The following DCBLD1 variants were observed in gnomAD, a reference collection of about 807,000 sequenced individuals.
DCBLD1 encodes discoidin, CUB and LCCL domain-containing protein 1.
A neutral mutation model predicts 71.5 loss-of-function variants in DCBLD1; 57 were observed. The observed-to-expected ratio is 0.80, with a 90% confidence interval of 0.64 to 0.99. The LOEUF is 0.99. Ranked by LOEUF, DCBLD1 falls within the 50% of genes least tolerant of loss-of-function variation. The pLI is 0.00. For synonymous variants in DCBLD1, 380 were observed against 363.8 expected, an observed-to-expected ratio of 1.04 and a Z score of -0.51; for missense variants, 891 against 923.5, an observed-to-expected ratio of 0.96 and a Z score of 0.46.
intron 5 of DCBLD1, 99 bp from the exon 6 acceptor site, chr6:117,532,161 G>A (rs930098388): frequency 2.0e-6 from 3 of 1,489,776 alleles, no homozygotes; most frequent in Non-Finnish European, 2.7e-6. Flanking sequence ...ATTCATTGGG[G>A]CCACTACTAT....
At chr6:117,510,177 T>G (rs1777970212) in intron 2 of DCBLD1, among the ~76,000 whole-genome samples, 1 of 152,196 alleles carries the variant, frequency 6.6e-6, no homozygotes. Flanking sequence ...TCACTCTCAC[T>G]TCTAGCCTCA....
At chr6:117,564,601 A>AT in intron 14 of DCBLD1, among the ~76,000 whole-genome samples, 1 of 152,278 alleles carries the variant, frequency 6.6e-6, no homozygotes, top group Non-Finnish European at 1.5e-5. Context: ...CAATAGATAC[A>AT]TTTTTTTAAG....
Position 117,548,422 on chromosome 6 carries a change from A to G in DCBLD1, c.2131A>G (p.Met711Val), listed in dbSNP as rs986469945. Residue 711 changes from methionine to valine, a missense_variant, in exon 15 of 15, where the codon ATG (methionine) becomes GTG (valine). Met to Val is a conservative substitution (Grantham distance 21). Coordinates refer to ENST00000338728, the MANE Select transcript of DCBLD1 (RefSeq NM_001366458.2). ...CCTCACACCCCTCAACCAGACGGCC[A>G]TGACTGCCCTTTTGTGAACACAATG... ...DCLTPLNQTAMTALL is the reference protein window; with the variant it reads ...DCLTPLNQTAVTALL 33 of 1,550,548 alleles carry G rather than the reference A, an allele frequency of 2.1e-5. No homozygotes were observed. The highest frequency in any genetic ancestry group is 3.9e-5 in the Admixed American group (2 of 50,982).
At chr6:117,515,810 C>G (rs1481581715) in intron 2 of DCBLD1, among the ~76,000 whole-genome samples, 2 of 152,056 alleles carry the variant, frequency 1.3e-5, no homozygotes, top group African/African-American at 4.8e-5. Flanking sequence ...TTTTATGAAT[C>G]TCTTAGTTGG....
intron 1 of DCBLD1, among the ~76,000 whole-genome samples, chr6:117,494,554 A>G (rs1416066936): frequency 6.6e-6 from 1 of 152,148 alleles, no homozygotes; most frequent in Non-Finnish European, 1.5e-5. Flanking sequence ...CAGAGATAAA[A>G]CAGTTGTCTT....
chr6:117,491,989 C>T (rs1027800973), intron 1 of DCBLD1, among the ~76,000 whole-genome samples: 13 of 152,236 alleles, frequency 8.5e-5, no homozygotes, highest in African/African-American at 1.4e-4. Context: ...CACAATAGGA[C>T]GCATATGTTA....
chr6:117,497,956 C>T (rs1439471614), intron 1 of DCBLD1, among the ~76,000 whole-genome samples: 2 of 152,176 alleles, frequency 1.3e-5, no homozygotes, highest in East Asian at 3.8e-4. Context: ...AAATATTACA[C>T]ATCTATGTGT....
At chr6:117,511,692 CTGT>C (rs2114457519) in intron 2 of DCBLD1, among the ~76,000 whole-genome samples, 1 of 152,296 alleles carries the variant, frequency 6.6e-6, no homozygotes, top group African/African-American at 2.4e-5. Flanking sequence ...TACAACTTAT[CTGT>C]TGAAGTTTTT....
chr6:117,539,410 G>T, intron 9 of DCBLD1, 31 bp downstream of exon 9: 1 of 1,577,866 alleles, frequency 6.3e-7, no homozygotes, highest in South Asian at 1.2e-5. Flanking sequence ...CAAGAGAACT[G>T]AGTAGGAGAA....
chr6:117,531,974 A>G (rs1778736423), intron 5 of DCBLD1, among the ~76,000 whole-genome samples: 1 of 152,064 alleles, frequency 6.6e-6, no homozygotes, highest in African/African-American at 2.4e-5. Flanking sequence ...GCCTGGAATC[A>G]CTCTTGTGGC....
chr6:117,524,145 T>C (rs762352017), intron 4 of DCBLD1, among the ~76,000 whole-genome samples: 14 of 152,078 alleles, frequency 9.2e-5, no homozygotes, highest in Non-Finnish European at 1.9e-4. Flanking sequence ...CCACATACTA[T>C]GACATGTTTC....
intron 2 of DCBLD1, among the ~76,000 whole-genome samples, chr6:117,513,656 A>G (rs1411258059): frequency 2.0e-5 from 3 of 152,342 alleles, no homozygotes; most frequent in Non-Finnish European, 2.9e-5. Flanking sequence ...TCCAAGTGCT[A>G]TAAAACACGT....
intron 7 of DCBLD1, among the ~76,000 whole-genome samples, chr6:117,537,459 G>T (rs375158038): frequency 6.6e-6 from 1 of 151,368 alleles, no homozygotes; most frequent in Non-Finnish European, 1.5e-5. Flanking sequence ...GCGTGAACCC[G>T]GGAGGCGGAG....
chr6:117,540,788 G>A lies in DCBLD1; in HGVS notation c.1222G>A (p.Glu408Lys), dbSNP rs774631236. The A allele has an allele frequency of 6.2e-7, 1 of 1,614,110 alleles. No homozygotes were observed. The highest frequency in any genetic ancestry group is 1.3e-5 in the African/African-American group (1 of 74,940). The change falls in exon 10 of 15, where the codon GAG becomes AAG. Residue 408 changes from glutamate to lysine, a missense_variant. Physicochemically the swap from Glu to Lys is moderately conservative, Grantham distance 56. Transcript: ENST00000338728. The part of the protein sequence containing the change: ...TWHQRIALKV[E>K]LIGCQITQGN... Reference sequence around the variant, plus strand: ...GCACCAGAGGATAGCCTTGAAGGTGGAGCTCATTGGTTGCCAGATTACACA... The same window carrying A: ...GCACCAGAGGATAGCCTTGAAGGTGAAGCTCATTGGTTGCCAGATTACACA...
At chr6:117,512,876 G>A (rs984161254) in intron 2 of DCBLD1, among the ~76,000 whole-genome samples, 7 of 151,462 alleles carry the variant, frequency 4.6e-5, no homozygotes, top group Admixed American at 4.6e-4. Context: ...CAGTATGGTA[G>A]TTAAAAAAAA....
downstream of DCBLD1, among the ~76,000 whole-genome samples, chr6:117,552,443 G>A (rs1779444020): frequency 6.6e-6 from 1 of 152,078 alleles, no homozygotes. Context: ...CCCAACAAAT[G>A]CACTTAACTG....
chr6:117,511,275 T>TA (rs1216828457), intron 2 of DCBLD1, among the ~76,000 whole-genome samples: 1 of 152,230 alleles, frequency 6.6e-6, no homozygotes, highest in Admixed American at 6.5e-5. Flanking sequence ...AGAAATCACT[T>TA]ACGTAGAGTT....
At chr6:117,495,222 C>G (rs1225625976) in intron 1 of DCBLD1, among the ~76,000 whole-genome samples, 1 of 152,138 alleles carries the variant, frequency 6.6e-6, no homozygotes, top group Admixed American at 6.6e-5. Flanking sequence ...CTTCACCACA[C>G]CCAGTTATGG....
At chr6:117,537,846 TA>T (rs1335875582) in intron 7 of DCBLD1, among the ~76,000 whole-genome samples, 1 of 151,926 alleles carries the variant, frequency 6.6e-6, no homozygotes, top group African/African-American at 2.4e-5. Context: ...TGTTTCTTTA[TA>T]ATCTAAACTC....
Sources: gnomAD v4.1 joint callset for allele counts (sites outside exome capture counted in the v4.1 genomes callset) on GRCh38, gnomAD v4.1.1 for gene constraint, MANE v1.5 for transcripts, NCBI Gene and HGNC (gene_info 2026-07-23, HGNC 2026-07-21) for gene names.